Variants in SH3BGRL2 observed in about 807,000 individuals in gnomAD.
SH3BGRL2 encodes SH3 domain-binding glutamic acid-rich-like protein 2.
SH3BGRL2 carries 21 observed loss-of-function variants against 14.8 expected under a neutral mutation model. That is an observed-to-expected ratio of 1.42 (90% CI 1.01 to 2.05). SH3BGRL2 has a LOEUF of 2.05. Ranked by LOEUF, SH3BGRL2 falls within the 30% of genes most tolerant of loss-of-function variation. The probability of loss-of-function intolerance (pLI) is 0.00; values close to 1 mark genes in which losing one functional copy is unlikely to be tolerated. For synonymous variants in SH3BGRL2, 50 were observed against 47.8 expected, an observed-to-expected ratio of 1.05 and a Z score of -0.19; for missense variants, 147 against 130.8, an observed-to-expected ratio of 1.12 and a Z score of -0.61.
At chr6:79,580,794 C>T in the SH3BGRL2 span, among the ~76,000 whole-genome samples, 4 of 152,052 alleles carry the variant, frequency 2.6e-5, no homozygotes, top group African/African-American at 9.7e-5. Flanking sequence ...AAGATCAGAG[C>T]AGAACTGAAA....
chr6:79,586,348 A>G, the SH3BGRL2 span, among the ~76,000 whole-genome samples: 1 of 149,810 alleles, frequency 6.7e-6, no homozygotes, highest in Non-Finnish European at 1.5e-5. Context: ...AGCCAAAAGC[A>G]GAAACACCTC....
At chr6:79,674,528 A>G (rs1186120867) in intron 2 of SH3BGRL2, among the ~76,000 whole-genome samples, 1 of 152,164 alleles carries the variant, frequency 6.6e-6, no homozygotes, top group African/African-American at 2.4e-5. Flanking sequence ...GTCAGTGTTT[A>G]TTTTTGGACC....
intron 1 of SH3BGRL2, among the ~76,000 whole-genome samples, chr6:79,638,504 G>A (rs1011066309): frequency 2.0e-5 from 3 of 151,974 alleles, no homozygotes; most frequent in African/African-American, 7.3e-5. Context: ...TTCCATTTGT[G>A]GTTTTTTGAG....
chr6:79,577,929 T>G, the SH3BGRL2 span, among the ~76,000 whole-genome samples: 1 of 152,202 alleles, frequency 6.6e-6, no homozygotes, highest in Non-Finnish European at 1.5e-5. Context: ...ATGCAATGCT[T>G]TTCCCAAGGT....
the SH3BGRL2 span, among the ~76,000 whole-genome samples, chr6:79,599,370 A>G: frequency 8.9e-6 from 1 of 112,158 alleles, no homozygotes; most frequent in Admixed American, 1.2e-4. Context: ...TTTATAACAG[A>G]TCTTTTTTTT....
At chr6:79,566,955 G>A in the SH3BGRL2 span, among the ~76,000 whole-genome samples, 9 of 151,498 alleles carry the variant, frequency 5.9e-5, no homozygotes, top group East Asian at 1.7e-3. Context: ...TTGTTCACTA[G>A]TTTTATTAGA....
intron 2 of SH3BGRL2, among the ~76,000 whole-genome samples, 157 bp downstream of exon 2, chr6:79,673,956 G>T (rs1053861815): frequency 6.6e-6 from 1 of 152,126 alleles, no homozygotes; most frequent in Non-Finnish European, 1.5e-5. Flanking sequence ...GAGAAGGGAT[G>T]TGAGTCCAAG....
chr6:79,655,703 A>G (rs1769395804), intron 1 of SH3BGRL2, among the ~76,000 whole-genome samples: 1 of 152,190 alleles, frequency 6.6e-6, no homozygotes, highest in South Asian at 2.1e-4. Flanking sequence ...ATCCTTTATG[A>G]CTGACTTCTT....
chr6:79,564,424 GTTTGCAAATTCTGTGTC>G, the SH3BGRL2 span, among the ~76,000 whole-genome samples: 35 of 152,012 alleles, frequency 2.3e-4, no homozygotes, highest in African/African-American at 8.2e-4. Context: ...TTTTCCTTGG[GTTTGCAAATTCTGTGTC>G]TTTTACTACT....
At chr6:79,662,641 C>G (rs184383798) in intron 1 of SH3BGRL2, among the ~76,000 whole-genome samples, 1 of 152,078 alleles carries the variant, frequency 6.6e-6, no homozygotes, top group Admixed American at 6.6e-5. Flanking sequence ...TTGCTCTTCT[C>G]GGGAGTATCT....
chr6:79,627,593 CATTCTTAGAT>C (rs1768758110), upstream of SH3BGRL2, among the ~76,000 whole-genome samples: 1 of 152,168 alleles, frequency 6.6e-6, no homozygotes. Flanking sequence ...TTCAGGCTAA[CATTCTTAGAT>C]AGTCTCTACA....
chr6:79,540,286 T>C, the SH3BGRL2 span, among the ~76,000 whole-genome samples: 3 of 151,778 alleles, frequency 2.0e-5, no homozygotes, highest in African/African-American at 7.3e-5. Context: ...TACAAAAAAA[T>C]GAGCTGGGCG....
chr6:79,673,436 C>T (rs1302293523), intron 1 of SH3BGRL2, among the ~76,000 whole-genome samples, 178 bp from the exon 2 acceptor site: 2 of 152,044 alleles, frequency 1.3e-5, no homozygotes, highest in African/African-American at 4.8e-5. Context: ...ATCAAAGAAA[C>T]GACTGTGTTG....
At chr6:79,594,274 C>T in the SH3BGRL2 span, among the ~76,000 whole-genome samples, 1 of 152,138 alleles carries the variant, frequency 6.6e-6, no homozygotes. Flanking sequence ...TGTCATTTCT[C>T]TACAAAGTTA....
intron 1 of SH3BGRL2, among the ~76,000 whole-genome samples, chr6:79,640,653 T>G (rs1460148329): frequency 6.6e-6 from 1 of 151,924 alleles, no homozygotes; most frequent in African/African-American, 2.4e-5. Context: ...ACCCCTGAAG[T>G]GGAAGGTATC....
the SH3BGRL2 span, among the ~76,000 whole-genome samples, chr6:79,604,766 C>G: frequency 2.0e-5 from 3 of 152,162 alleles, no homozygotes; most frequent in Non-Finnish European, 2.9e-5. Context: ...TCTGAGCACA[C>G]ACAGAAACAT....
chr6:79,551,074 T>G, the SH3BGRL2 span, among the ~76,000 whole-genome samples: 2 of 152,270 alleles, frequency 1.3e-5, no homozygotes, highest in Middle Eastern at 6.8e-3. Flanking sequence ...AAGAAAGAAA[T>G]ATCCACCATT....
the SH3BGRL2 span, among the ~76,000 whole-genome samples, chr6:79,569,954 G>A: frequency 6.6e-6 from 1 of 152,092 alleles, no homozygotes; most frequent in Non-Finnish European, 1.5e-5. Flanking sequence ...GACTGTCAAT[G>A]GGAACACGCA....
At chr6:79,673,855 A>G in intron 2 of SH3BGRL2, 56 bp downstream of exon 2, 1 of 1,549,696 alleles carries the variant, frequency 6.5e-7, no homozygotes, top group South Asian at 1.2e-5. Context: ...AACACATGCC[A>G]CCTAGAGTGC....
Sources: gnomAD v4.1 joint callset for allele counts (sites outside exome capture counted in the v4.1 genomes callset) on GRCh38, gnomAD v4.1.1 for gene constraint, MANE v1.5 for transcripts, NCBI Gene and HGNC (gene_info 2026-07-23, HGNC 2026-07-21) for gene names.